RNF213: variants seen among roughly 807,000 people sequenced by gnomAD.
The protein encoded by RNF213 is ring finger protein 213, also known as E3 ubiquitin-protein ligase RNF213.
A neutral mutation model predicts 514.4 loss-of-function variants in RNF213; 341 were observed. The ratio of observed to expected loss-of-function variants is 0.66; its 90% confidence interval spans 0.61 to 0.73. The LOEUF (loss-of-function observed/expected upper bound fraction) is 0.73. RNF213 is among the 30% of genes least tolerant of loss of function. The probability of loss-of-function intolerance (pLI) is 0.00; values close to 1 mark genes in which losing one functional copy is unlikely to be tolerated. For missense variants in RNF213, 5,767 were observed against 6,615.6 expected, an observed-to-expected ratio of 0.87 and a Z score of 4.45; for synonymous variants, 2,655 against 2,658.2, an observed-to-expected ratio of 1.00 and a Z score of 0.04.
At chr17:80,261,196 C>T (rs2043404506) in intron 1 of RNF213, among the ~76,000 whole-genome samples, 1 of 152,096 alleles carries the variant, frequency 6.6e-6, no homozygotes, top group Non-Finnish European at 1.5e-5. Context: ...GGAGGCTTTG[C>T]GCCCCGGCAG....
intron 25 of RNF213, 49 bp downstream of exon 25, chr17:80,338,046 C>G (rs898089812): frequency 1.3e-6 from 2 of 1,532,636 alleles, no homozygotes; most frequent in African/African-American, 2.7e-5. Flanking sequence ...GTCATCTCGT[C>G]CGTGAGGGCT....
chr17:80,388,850 GT>G, intron 64 of RNF213, 161 bp downstream of exon 64: 1 of 703,066 alleles, frequency 1.4e-6, no homozygotes, highest in East Asian at 2.6e-5. Flanking sequence ...AAATCAGCAA[GT>G]TTTCTTGTAG....
At chr17:80,389,760 C>A in intron 65 of RNF213, 68 bp from the exon 66 acceptor site, 1 of 1,341,280 alleles carries the variant, frequency 7.5e-7, no homozygotes, top group East Asian at 2.3e-5. Flanking sequence ...ACTCAGGCTC[C>A]CTGGTGCACG....
chr17:80,357,978 A>G (rs972988801), intron 36 of RNF213, among the ~76,000 whole-genome samples: 2 of 152,150 alleles, frequency 1.3e-5, no homozygotes, highest in African/African-American at 4.8e-5. Flanking sequence ...ACAGAGTGAG[A>G]CCCTCACATA....
chr17:80,368,584 CA>C (rs1251904472), intron 44 of RNF213, among the ~76,000 whole-genome samples: 40 of 152,262 alleles, frequency 2.6e-4, no homozygotes, highest in Admixed American at 5.9e-4. Context: ...AGGCATGCAC[CA>C]CCATGCCCGG....
Position 80,339,247 on chromosome 17 carries a change from A to T in RNF213, c.4880A>T (p.His1627Leu). The T allele has an allele frequency of 6.6e-7, 1 of 1,517,132 alleles. No homozygotes were observed. 94.0% of individuals were successfully genotyped at this position (1,517,132 alleles called of 1,614,324 possible). A position where few individuals can be genotyped will look rare whatever the true frequency, so the allele number is the denominator to read the frequency against. ...CTCAGCCAGGCCTTCATCGACCTGC[A>T]CTCTGCTGGGAATATGCTGTTCAGG... Reference protein sequence around the residue: ...QRLSQAFIDLHSAGNMLFRTW... With the variant: ...QRLSQAFIDLLSAGNMLFRTW... The change falls in exon 26 of 68, where the codon CAC (histidine) becomes CTC (leucine). Residue 1627 changes from histidine to leucine, a missense_variant. His to Leu is a moderately conservative substitution (Grantham distance 99). Coordinates refer to ENST00000582970, the MANE Select transcript of RNF213 (RefSeq NM_001256071.3).
rs1390196621 is a variant in RNF213 at position 80,353,082 on chromosome 17, T to TG, written c.10423+28dup. ...AGCGTGAGTCACGAGGCGGAGCCCCTGGGGGAGCAGGTGGTGGAAGGGCAG... is the reference window on the plus strand; with the variant it reads ...AGCGTGAGTCACGAGGCGGAGCCCCTGGGGGGAGCAGGTGGTGGAAGGGCAG... On this transcript the variant is annotated intron_variant, in intron 33 of 67. Transcript: ENST00000582970. This position sits in a 1 kb window ranked among gnomAD's most constrained non-coding sequence, Gnocchi z 5.0. 3.7e-6 allele frequency: 6 copies of TG among 1,609,116 alleles called. No individual in the cohort carries two copies. Among genetic ancestry groups the TG allele is most frequent in the Non-Finnish European group, 4.2e-6 (5 of 1,179,974 alleles).
intron 18 of RNF213, 102 bp from the exon 19 acceptor site, chr17:80,327,714 A>T: frequency 1.0e-6 from 1 of 975,624 alleles, no homozygotes; most frequent in Non-Finnish European, 1.5e-6. Context: ...GTGTTTGAGG[A>T]AGTGGGGGCA....
Position 80,373,435 on chromosome 17 carries a change from C to T in RNF213, c.12942+270C>T, listed in dbSNP as rs543018939. On this transcript the variant is annotated intron_variant, in intron 49 of 67. Coordinates refer to ENST00000582970, the MANE Select transcript of RNF213 (RefSeq NM_001256071.3). ...AAACCTGCCGCTTGTCTGTCTGGTC[C>T]TTTGTCTCTGTGCTTCAGCTGATTT... Among the ~76,000 whole-genome samples the T allele has an allele frequency of 1.1e-4, 16 of 152,044 alleles. No homozygotes were observed. In the South Asian group the frequency reaches 3.1e-3, roughly 30 times the overall value.
At position 80,340,291 on chromosome 17, in the gene RNF213, C is replaced by T. The variant is rs1321232007; in HGVS notation, c.5924C>T (p.Ser1975Leu). 9 of 1,613,552 alleles carry T rather than the reference C, an allele frequency of 5.6e-6. No individual in the cohort carries two copies. Among genetic ancestry groups the T allele is most frequent in the East Asian group, 2.2e-5 (1 of 44,878 alleles). ...TACCGGGTCCCGAAGCAGACCCTGTCGGCGGCAGCCGTGTTCAATGACCGG... is the reference window on the plus strand; with the variant it reads ...TACCGGGTCCCGAAGCAGACCCTGTTGGCGGCAGCCGTGTTCAATGACCGG... ...GHYRVPKQTL[S>L]AAAVFNDRLC... The change falls in exon 26 of 68, where the codon TCG (serine) becomes TTG (leucine). Residue 1975 changes from serine (S) to leucine (L), a missense_variant. This residue lies in a region of RNF213 where 1,377 missense variants were observed against 1,635.2 expected (regional missense o/e 0.84). Transcript: ENST00000582970.
In RNF213 at chr17:80,377,203, A is replaced by G. The variant is rs1470817093; in HGVS notation, c.13510+240A>G. On this transcript the variant is annotated intron_variant, in intron 53 of 67. Transcript: ENST00000582970. This position sits in a 1 kb window ranked among gnomAD's most constrained non-coding sequence, Gnocchi z 4.1. ...GTGTGGAAAAGGCCCTCTGTGATGC[A>G]CTTCTGTTCTCTGGAATATGCCATT... 1.9e-6 allele frequency: 1 copy of G among 539,388 alleles called. No homozygotes were observed. Among genetic ancestry groups the G allele is most frequent in the Non-Finnish European group, 3.3e-6 (1 of 298,630 alleles). 33.4% of individuals were successfully genotyped at this position (539,388 alleles called of 1,614,324 possible).
At position 80,343,202 on chromosome 17, in the gene RNF213, G is replaced by C; in HGVS notation, c.6060G>C (p.Leu2020=). The change falls in exon 27 of 68, where the codon CTG becomes CTC. Residue 2020 remains leucine (L), a synonymous_variant. Coordinates refer to ENST00000582970, the MANE Select transcript of RNF213 (RefSeq NM_001256071.3). The surrounding 1 kb of genome is among the most constrained non-coding windows in gnomAD (Gnocchi z 4.3). ...AGTTAAACGTGAAAAATGTGCCTCT[G>C]AAAACAATTCGACTGATCGACCCTC... is the stretch of plus-strand genomic sequence containing the variant. ...KMQLNVKNVP[L]KTIRLIDPQV... 2 of 1,614,072 alleles carry C rather than the reference G, an allele frequency of 1.2e-6. No homozygotes were observed. The highest frequency in any genetic ancestry group is 8.5e-7 in the Non-Finnish European group (1 of 1,179,980).
Position 80,367,714 on chromosome 17 carries a change from C to T in RNF213, c.11872-34C>T, listed in dbSNP as rs372309318. On this transcript the variant is annotated intron_variant, in intron 42 of 67. Coordinates refer to ENST00000582970, the MANE Select transcript of RNF213 (RefSeq NM_001256071.3). ...GGCCTGGCCGCCCTCAGCCCTCCCCCCTGCTAATGACTCCTGTCCCTGCCT... is the reference window on the plus strand; with the variant it reads ...GGCCTGGCCGCCCTCAGCCCTCCCCTCTGCTAATGACTCCTGTCCCTGCCT... 5.7e-6 allele frequency: 9 copies of T among 1,582,144 alleles called. No individual in the cohort carries two copies. The Admixed American group carries it at 1.0e-4, about 18-fold the overall frequency.
Position 80,346,357 on chromosome 17 carries a change from T to C in RNF213, c.8022T>C (p.Asn2674=). Residue 2674 remains asparagine (N), a synonymous_variant, in exon 29 of 68, where the codon AAT becomes AAC. Transcript: ENST00000582970. The surrounding 1 kb of genome is among the most constrained non-coding windows in gnomAD (Gnocchi z 8.1). Reference sequence around the variant, plus strand: ...TCTCCAAGTCCAGCGTCAGCAAAAATCACACCGAGAGAGATCCCGTCCTCT... The same window carrying C: ...TCTCCAAGTCCAGCGTCAGCAAAAACCACACCGAGAGAGATCCCGTCCTCT... ...AFLSKSSVSK[N]HTERDPVLWS... is the part of the protein sequence containing the mutation. 1 of 1,613,360 alleles carries C rather than the reference T, an allele frequency of 6.2e-7. No homozygotes were observed. Among genetic ancestry groups the C allele is most frequent in the Non-Finnish European group, 8.5e-7 (1 of 1,179,954 alleles).
chr17:80,379,132 G>A (rs1051908033), intron 54 of RNF213, among the ~76,000 whole-genome samples: 1 of 152,190 alleles, frequency 6.6e-6, no homozygotes, highest in African/African-American at 2.4e-5. Context: ...GGTCAAGGCT[G>A]TAGTGAGCCG....
At chr17:80,300,537 C>G (rs1480925833) in intron 11 of RNF213, among the ~76,000 whole-genome samples, 1 of 151,652 alleles carries the variant, frequency 6.6e-6, no homozygotes, top group East Asian at 1.9e-4. Context: ...AGCCACCACG[C>G]CTGGCCTCAT....
chr17:80,295,910 C>T lies in RNF213; in HGVS notation c.2012+97C>T. Reference sequence around the variant, plus strand: ...CTTGACTAGAGTGACTGAAAGCACACAGGCAAGAAATAAAACCACCCGTGA... The same window carrying T: ...CTTGACTAGAGTGACTGAAAGCACATAGGCAAGAAATAAAACCACCCGTGA... On this transcript the variant is annotated intron_variant, in intron 10 of 67. Coordinates refer to ENST00000582970, the MANE Select transcript of RNF213 (RefSeq NM_001256071.3). 7.0e-6 allele frequency: 10 copies of T among 1,419,640 alleles called. No homozygotes were observed. In the South Asian group the frequency reaches 1.2e-4, roughly 17 times the overall value. The allele number at this position is 1,419,640 out of a possible 1,614,324, so 87.9% of individuals were successfully genotyped here.
intron 3 of RNF213, among the ~76,000 whole-genome samples, chr17:80,283,292 G>T (rs2044361064): frequency 6.6e-6 from 1 of 152,120 alleles, no homozygotes; most frequent in Non-Finnish European, 1.5e-5. Flanking sequence ...GGGAAGAGCT[G>T]AGGGGGTGAG....
chr17:80,358,064 T>C (rs1369859287), intron 36 of RNF213, among the ~76,000 whole-genome samples: 1 of 152,234 alleles, frequency 6.6e-6, no homozygotes, highest in African/African-American at 2.4e-5. Flanking sequence ...GATGTAGAAT[T>C]AAGTTCCATT....
Sources: allele counts gnomAD v4.1 joint callset (sites outside exome capture counted in the v4.1 genomes callset), GRCh38; gene constraint gnomAD v4.1.1; regional missense constraint gnomAD v4.1.1; non-coding constraint Gnocchi (gnomAD v3.1); transcripts MANE v1.5; gene names NCBI Gene and HGNC (gene_info 2026-07-23, HGNC 2026-07-21).